ATP8A2: variants seen among roughly 807,000 people sequenced by gnomAD.
ATP8A2 encodes the protein phospholipid-transporting ATPase IB.
In ATP8A2, 100 loss-of-function variants were observed where a neutral mutation model predicts 165.6. That is an observed-to-expected ratio of 0.60 (90% CI 0.51 to 0.71). The LOEUF (loss-of-function observed/expected upper bound fraction) is 0.71, where lower values mean the gene tolerates loss of function less well. Ranked by LOEUF, ATP8A2 falls within the 30% of genes least tolerant of loss-of-function variation. The pLI is 0.00. For missense variants in ATP8A2, 1,227 were observed against 1,479.5 expected (o/e 0.83, Z 2.80); for synonymous variants, 543 against 548.8 (o/e 0.99, Z 0.15).
At chr13:25,929,778 C>T (rs1048671423) in intron 33 of ATP8A2, among the ~76,000 whole-genome samples, 8 of 152,164 alleles carry the variant, frequency 5.3e-5, no homozygotes, top group African/African-American at 1.9e-4. Flanking sequence ...GAGCTGTGAT[C>T]ATGCCAGTGC....
At chr13:25,794,820 T>TACAC (rs3053488) in intron 27 of ATP8A2, among the ~76,000 whole-genome samples, 9,619 of 139,470 alleles carry the variant, frequency 0.069, 387 homozygotes, top group South Asian at 0.11. Flanking sequence ...TTCCCTCTCC[T>TACAC]ACACACACAC....
intron 25 of ATP8A2, among the ~76,000 whole-genome samples, chr13:25,740,870 G>C (rs2043896280): frequency 6.6e-6 from 1 of 152,152 alleles, no homozygotes; most frequent in Non-Finnish European, 1.5e-5. Context: ...ATGTTGTAGA[G>C]ACCTTTAGCG....
At chr13:25,471,372 A>T (rs1223688252) in intron 2 of ATP8A2, among the ~76,000 whole-genome samples, 33 of 145,022 alleles carry the variant, frequency 2.3e-4, no homozygotes, top group African/African-American at 8.0e-4. Flanking sequence ...TTTTTTGGAG[A>T]TGGAGTCTTG....
At chr13:25,920,097 C>G in intron 33 of ATP8A2, among the ~76,000 whole-genome samples, 1 of 152,178 alleles carries the variant, frequency 6.6e-6, no homozygotes, top group Non-Finnish European at 1.5e-5. Flanking sequence ...GTTGTTTTGT[C>G]TTGAACTCAC....
In ATP8A2 at chr13:25,467,642, C is replaced by A. The variant is rs546028283; in HGVS notation, c.77-1335C>A. On this transcript the variant is annotated intron_variant, in intron 1 of 36. Coordinates refer to ENST00000381655, the MANE Select transcript of ATP8A2 (RefSeq NM_016529.6). ...CTCAGCTCACTGCAGGCTCCGCCCC[C>A]CGGGGTTCACGCCATTCTCCTGCCT... Among the ~76,000 whole-genome samples the A allele has an allele frequency of 9.9e-5, 15 of 152,198 alleles. No individual in the cohort carries two copies. The East Asian group carries it at 1.7e-3, about 18-fold the overall frequency.
chr13:25,960,400 C>A (rs1009050155), intron 33 of ATP8A2, among the ~76,000 whole-genome samples: 2 of 152,122 alleles, frequency 1.3e-5, no homozygotes, highest in African/African-American at 4.8e-5. Context: ...CTGTGGGGGT[C>A]CCACAGGTGG....
intron 25 of ATP8A2, among the ~76,000 whole-genome samples, chr13:25,759,885 G>A (rs916158821): frequency 6.6e-6 from 1 of 152,164 alleles, no homozygotes; most frequent in African/African-American, 2.4e-5. Context: ...TAGTAGAGAT[G>A]TCAGGTTTTC....
intron 33 of ATP8A2, among the ~76,000 whole-genome samples, chr13:25,943,805 T>C (rs1055588239): frequency 1.3e-5 from 2 of 152,212 alleles, no homozygotes; most frequent in Non-Finnish European, 2.9e-5. Flanking sequence ...ACTCCCAGCC[T>C]TCTATTCATG....
In ATP8A2 at chr13:25,890,023, G is replaced by A. The variant is rs147600118; in HGVS notation, c.3183+27615G>A. ...TAAAAATACAAAAAATTAGCCAGGC[G>A]TGGTGGCACGTGCCTGTAATCCCAG... On this transcript the variant is annotated intron_variant, in intron 33 of 36. Transcript: ENST00000381655. 3.6e-3 allele frequency among the ~76,000 whole-genome samples: 546 copies of A among 152,142 alleles called. 2 individuals carry two copies. Among genetic ancestry groups the A allele is most frequent in the East Asian group, 0.017 (87 of 5,150 alleles).
chr13:25,612,840 G>A (rs960267735), intron 24 of ATP8A2, among the ~76,000 whole-genome samples: 2 of 152,066 alleles, frequency 1.3e-5, no homozygotes, highest in African/African-American at 2.4e-5. Flanking sequence ...TATATATTTA[G>A]GATTGTGATA....
chr13:25,512,914 ACCC>A (rs1402387587), intron 2 of ATP8A2, among the ~76,000 whole-genome samples: 1 of 95,344 alleles, frequency 1.0e-5, no homozygotes, highest in Non-Finnish European at 2.1e-5. Context: ...CGGGGGGCTG[ACCC>A]CCCCACCTCC....
chr13:25,559,828 AT>A (rs1230955837), intron 15 of ATP8A2, 63 bp downstream of exon 15: 2 of 1,251,172 alleles, frequency 1.6e-6, no homozygotes, highest in African/African-American at 3.0e-5. Context: ...ATTATTTATT[AT>A]TATTCATTTA....
At chr13:25,723,132 G>T (rs1182808700) in intron 25 of ATP8A2, among the ~76,000 whole-genome samples, 1 of 152,166 alleles carries the variant, frequency 6.6e-6, no homozygotes, top group Non-Finnish European at 1.5e-5. Context: ...CATATGATGT[G>T]GCTACAAAAA....
intron 2 of ATP8A2, among the ~76,000 whole-genome samples, chr13:25,510,808 C>T (rs1256093338): frequency 6.6e-6 from 1 of 152,224 alleles, no homozygotes; most frequent in East Asian, 1.9e-4. Context: ...CAGTCCTAAA[C>T]TTAGCTAAAA....
At chr13:25,429,302 G>A (rs955108513) in intron 1 of ATP8A2, among the ~76,000 whole-genome samples, 47 of 151,116 alleles carry the variant, frequency 3.1e-4, no homozygotes, top group African/African-American at 1.1e-3. Context: ...CCTGGGAGGC[G>A]GAGGTTGCAG....
intron 2 of ATP8A2, among the ~76,000 whole-genome samples, chr13:25,501,104 G>C (rs1441359545): frequency 6.6e-6 from 1 of 152,164 alleles, no homozygotes; most frequent in East Asian, 1.9e-4. Context: ...CAGAAAGGGG[G>C]AGGCATGAAA....
intron 24 of ATP8A2, among the ~76,000 whole-genome samples, chr13:25,674,009 T>C (rs1457990938): frequency 6.6e-6 from 1 of 152,224 alleles, no homozygotes; most frequent in African/African-American, 2.4e-5. Context: ...GCAGTGTGAT[T>C]GCAGTCATGG....
intron 1 of ATP8A2, among the ~76,000 whole-genome samples, chr13:25,412,316 GA>G (rs74476272): frequency 0.22 from 33,493 of 152,010 alleles, 4,181 homozygotes; most frequent in East Asian, 0.45. Context: ...CAGTATTCAA[GA>G]GTGAGAAATT....
At chr13:25,606,651 G>A (rs1200742220) in intron 24 of ATP8A2, among the ~76,000 whole-genome samples, 1 of 152,144 alleles carries the variant, frequency 6.6e-6, no homozygotes, top group Non-Finnish European at 1.5e-5. Flanking sequence ...GAAATTAAAT[G>A]TAAAAATAGT....
Sources: allele counts gnomAD v4.1 joint callset (sites outside exome capture counted in the v4.1 genomes callset), GRCh38; gene constraint gnomAD v4.1.1; transcripts MANE v1.5; gene names NCBI Gene and HGNC (gene_info 2026-07-23, HGNC 2026-07-21).